The following FYCO1 variants were observed in gnomAD, a reference collection of about 807,000 sequenced individuals.
FYCO1 encodes FYVE and coiled-coil domain-containing protein 1.
In FYCO1, 122 loss-of-function variants were observed where a neutral mutation model predicts 165.1. The observed-to-expected ratio is 0.74, with a 90% CI of 0.64 to 0.86. FYCO1 has a LOEUF of 0.86. FYCO1 is among the 40% of genes least tolerant of loss of function. The pLI, the probability that FYCO1 is intolerant of heterozygous loss-of-function variation, is 0.00. For missense variants in FYCO1, 1,702 were observed against 1,810.3 expected, an observed-to-expected ratio of 0.94 and a Z score of 1.09; for synonymous variants, 648 against 742.5, an observed-to-expected ratio of 0.87 and a Z score of 2.07.
intron 1 of FYCO1, 105 bp from the exon 2 acceptor site, chr3:45,985,127 T>C (rs1237125864): frequency 3.1e-6 from 2 of 649,254 alleles, no homozygotes; most frequent in Non-Finnish European, 5.6e-6. Context: ...TATCTGGGTG[T>C]ATTCCCTCAA....
intron 14 of FYCO1, among the ~76,000 whole-genome samples, chr3:45,953,430 A>C (rs970313119): frequency 1.3e-5 from 2 of 152,226 alleles, no homozygotes; most frequent in Admixed American, 6.5e-5. Flanking sequence ...AGACTGAGAA[A>C]CATCAAGCAA....
rs1448739839 is a variant in FYCO1 at position 45,919,059 on chromosome 3, G to GCTGC, written c.*2702_*2705dup. 3.1e-5 allele frequency: 4 copies of GCTGC among 127,310 alleles called. No individual in the cohort carries two copies. The highest frequency in any genetic ancestry group is 1.4e-4 in the African/African-American group (4 of 29,546). 7.9% of individuals were successfully genotyped at this position (127,310 alleles called of 1,614,324 possible). A position where few individuals can be genotyped will look rare whatever the true frequency, so the allele number is the denominator to read the frequency against. Reference sequence around the variant, plus strand: ...ATTCAGAGAGATGAGCCATCAAGGGGCTGCCCCTTTTAAAAAAAAAAAAAA... The same window carrying GCTGC: ...ATTCAGAGAGATGAGCCATCAAGGGGCTGCCTGCCCCTTTTAAAAAAAAAAAAAA... On this transcript the variant is annotated 3_prime_UTR_variant, in exon 18 of 18. Transcript: ENST00000296137.
chr3:45,941,697 C>T (rs1249649360), intron 14 of FYCO1, among the ~76,000 whole-genome samples: 7 of 152,188 alleles, frequency 4.6e-5, no homozygotes, highest in African/African-American at 1.7e-4. Context: ...TTGACATGTA[C>T]ACACAGTCAT....
chr3:45,921,939 T>C (rs1703110297), intron 17 of FYCO1, 99 bp from the exon 18 acceptor site: 3 of 771,234 alleles, frequency 3.9e-6, no homozygotes, highest in Non-Finnish European at 7.0e-6. Flanking sequence ...TGCAGTGACC[T>C]GGCTGGGTGT....
At chr3:45,959,636 C>A in intron 11 of FYCO1, 94 bp from the exon 12 acceptor site, 1 of 1,357,108 alleles carries the variant, frequency 7.4e-7, no homozygotes, top group Non-Finnish European at 1.0e-6. Flanking sequence ...ATCAAATTTC[C>A]TAAGTCATAG....
chr3:45,957,293 A>C (rs189476583), intron 13 of FYCO1, among the ~76,000 whole-genome samples: 1 of 152,376 alleles, frequency 6.6e-6, no homozygotes, highest in Non-Finnish European at 1.5e-5. Context: ...AAAGCTGTAA[A>C]ACTTCTAAGC....
rs1345855119 is a variant in FYCO1 at position 45,958,600 on chromosome 3, A to G, written c.3607T>C (p.Cys1203Arg). The G allele has an allele frequency of 6.2e-7, 1 of 1,614,118 alleles. No individual in the cohort carries two copies. The highest frequency in any genetic ancestry group is 8.5e-7 in the Non-Finnish European group (1 of 1,180,044). ...ACGTAGTTGTTGCAGCAGTAGTAACAGAAGATGCGGCCACATATCCTGGGA... is the reference window on the plus strand; with the variant it reads ...ACGTAGTTGTTGCAGCAGTAGTAACGGAAGATGCGGCCACATATCCTGGGA... ...HHCRICGRIF[C>R]YYCCNNYVLS... The change falls in exon 13 of 18, where the codon TGT becomes CGT. Residue 1203 changes from cysteine (C) to arginine (R), a missense_variant. Cys to Arg is a radical substitution (Grantham distance 180). Coordinates refer to ENST00000296137, the MANE Select transcript of FYCO1 (RefSeq NM_024513.4).
intron 6 of FYCO1, among the ~76,000 whole-genome samples, chr3:45,970,778 G>C (rs1706399093): frequency 6.6e-6 from 1 of 151,962 alleles, no homozygotes; most frequent in Admixed American, 6.6e-5. Context: ...TGTATAAACA[G>C]ATACAAAATC....
rs13079478 is a variant in FYCO1 at position 45,966,331 on chromosome 3, G to T, written c.3003C>A (p.Asn1001Lys). The change falls in exon 8 of 18, where the codon AAC (asparagine) becomes AAA (lysine). Residue 1001 changes from asparagine (N) to lysine (K), a missense_variant. Transcript: ENST00000296137. ...SLQEAAHQEL[N>K]TLKFQLSAEI... ...CAGCACTCAGCTGGAACTTGAGGGT[G>T]TTGAGCTCCTGGTGTGCAGCCTCTT... The T allele has an allele frequency of 0.11, 181,610 of 1,613,960 alleles. 13,741 individuals are homozygous for T. Among genetic ancestry groups the T allele is most frequent in the South Asian group, 0.34 (30,530 of 91,080 alleles).
intron 11 of FYCO1, among the ~76,000 whole-genome samples, chr3:45,961,922 G>A (rs1449551966): frequency 6.6e-6 from 1 of 152,226 alleles, no homozygotes; most frequent in Non-Finnish European, 1.5e-5. Context: ...CAAGAAGTAA[G>A]GTGGTCTGGC....
intron 13 of FYCO1, among the ~76,000 whole-genome samples, chr3:45,957,370 C>T (rs1163713441): frequency 1.3e-5 from 2 of 152,184 alleles, no homozygotes; most frequent in Non-Finnish European, 2.9e-5. Flanking sequence ...AAAAGAAAAA[C>T]ATTTATGCAT....
rs530216844 is a variant in FYCO1, at chr3:45,971,817, C to T, written c.539+1271G>A. ...GGATTGGACCTTAGATTATGAGAGA[C>T]ATTACTGAGATAATTTGTAAAATTT... is the stretch of plus-strand genomic sequence containing the variant. On this transcript the variant is annotated intron_variant, in intron 6 of 17. Transcript: ENST00000296137. 2.6e-5 allele frequency among the ~76,000 whole-genome samples: 4 copies of T among 152,248 alleles called. No individual in the cohort carries two copies. In the South Asian group the frequency reaches 8.3e-4, roughly 32 times the overall value.
chr3:45,971,147 AAAAT>A (rs1417428786), intron 6 of FYCO1, among the ~76,000 whole-genome samples: 1 of 152,216 alleles, frequency 6.6e-6, no homozygotes, highest in East Asian at 1.9e-4. Context: ...TGTAAGCTTC[AAAAT>A]AAATAATGAC....
At chr3:45,936,612 G>C in intron 14 of FYCO1, 69 bp from the exon 15 acceptor site, 1 of 1,143,376 alleles carries the variant, frequency 8.7e-7, no homozygotes, top group Non-Finnish European at 1.3e-6. Flanking sequence ...CCTGGGGTCC[G>C]CAGTCTTGGA....
chr3:45,954,672 G>A (rs1705214118), intron 14 of FYCO1, among the ~76,000 whole-genome samples: 1 of 152,214 alleles, frequency 6.6e-6, no homozygotes, highest in African/African-American at 2.4e-5. Flanking sequence ...TGCATTTGGA[G>A]ATGAGGCCTG....
chr3:45,982,339 A>G (rs1388501839), intron 2 of FYCO1, among the ~76,000 whole-genome samples: 1 of 152,216 alleles, frequency 6.6e-6, no homozygotes, highest in African/African-American at 2.4e-5. Context: ...TTTAGAATCT[A>G]TGAAGTCTGC....
chr3:45,939,975 C>T (rs1704126430), intron 14 of FYCO1, among the ~76,000 whole-genome samples: 1 of 152,218 alleles, frequency 6.6e-6, no homozygotes, highest in African/African-American at 2.4e-5. Context: ...GCACAGGTCT[C>T]TCACAGCAGA....
At chr3:45,925,450 C>T (rs1241762741) in intron 16 of FYCO1, among the ~76,000 whole-genome samples, 1 of 152,140 alleles carries the variant, frequency 6.6e-6, no homozygotes, top group African/African-American at 2.4e-5. Flanking sequence ...AATGTAGCTT[C>T]TTTTTCAGAA....
Position 45,919,205 on chromosome 3 carries a change from C to T in FYCO1, c.*2560G>A, listed in dbSNP as rs1703012293. ...TTGCTATTTGCATTTCTTTAAAGTA[C>T]CCCAGTCCTTAATTCTCAGTAAAGT... On this transcript the variant is annotated 3_prime_UTR_variant, in exon 18 of 18. Transcript: ENST00000296137. 6.6e-6 allele frequency: 1 copy of T among 152,140 alleles called. No individual in the cohort carries two copies. The highest frequency in any genetic ancestry group is 2.1e-4 in the South Asian group (1 of 4,826). 9.4% of individuals were successfully genotyped at this position (152,140 alleles called of 1,614,324 possible). A position where few individuals can be genotyped will look rare whatever the true frequency, so the allele number is the denominator to read the frequency against.
Sources: gnomAD v4.1 joint callset for allele counts (sites outside exome capture counted in the v4.1 genomes callset) on GRCh38, gnomAD v4.1.1 for gene constraint, MANE v1.5 for transcripts, NCBI Gene and HGNC (gene_info 2026-07-23, HGNC 2026-07-21) for gene names.